The following CDH13 variants were observed in gnomAD, a reference collection of about 807,000 sequenced individuals.
The protein encoded by CDH13 is cadherin-13.
CDH13 carries 24 observed loss-of-function variants against 63.8 expected under a neutral mutation model. The ratio of observed to expected loss-of-function variants is 0.38; its 90% CI spans 0.27 to 0.53. The LOEUF (loss-of-function observed/expected upper bound fraction) is 0.53. Ranked by LOEUF, CDH13 falls within the 20% of genes least tolerant of loss-of-function variation. The pLI is 0.85. For missense variants in CDH13, 1,049 were observed against 903.1 expected (o/e 1.16, Z -2.07); for synonymous variants, 503 against 355.3 (o/e 1.42, Z -4.67).
At chr16:83,471,573 C>G (rs927796355) in intron 6 of CDH13, among the ~76,000 whole-genome samples, 4 of 152,186 alleles carry the variant, frequency 2.6e-5, no homozygotes, top group African/African-American at 9.7e-5. Context: ...CTCGCCTGGC[C>G]TTTCTAACCA....
chr16:83,031,371 T>C (rs1179844221), intron 2 of CDH13, among the ~76,000 whole-genome samples: 2 of 71,108 alleles, frequency 2.8e-5, no homozygotes, highest in Admixed American at 1.3e-4. Context: ...TGTACATGTA[T>C]ATGTATACAC....
At chr16:83,712,052 C>A (rs994858555) in intron 10 of CDH13, among the ~76,000 whole-genome samples, 1 of 152,208 alleles carries the variant, frequency 6.6e-6, no homozygotes, top group African/African-American at 2.4e-5. Flanking sequence ...CTCTGTCTGT[C>A]TGTGCCCTAA....
chr16:82,650,683 G>T (rs969945112), intron 1 of CDH13, among the ~76,000 whole-genome samples: 4 of 152,142 alleles, frequency 2.6e-5, no homozygotes, highest in African/African-American at 7.2e-5. Flanking sequence ...CCAGAAAACT[G>T]TATCTGTGCT....
chr16:83,456,931 C>T (rs1335309596), intron 6 of CDH13, among the ~76,000 whole-genome samples: 1 of 152,166 alleles, frequency 6.6e-6, no homozygotes, highest in Non-Finnish European at 1.5e-5. Flanking sequence ...CACTGCACTC[C>T]AGCCTGGGTG....
chr16:83,253,943 A>G (rs1254581843), intron 5 of CDH13, among the ~76,000 whole-genome samples: 1 of 152,176 alleles, frequency 6.6e-6, no homozygotes, highest in East Asian at 1.9e-4. Flanking sequence ...AATGTTCCCA[A>G]ACTCTTGCAG....
intron 1 of CDH13, among the ~76,000 whole-genome samples, chr16:82,785,932 G>A (rs2035980718): frequency 6.6e-6 from 1 of 152,210 alleles, no homozygotes; most frequent in Admixed American, 6.5e-5. Flanking sequence ...TCTTATCCCT[G>A]ATGCACGTGG....
intron 11 of CDH13, among the ~76,000 whole-genome samples, chr16:83,773,726 C>G (rs10514599): frequency 0.13 from 20,097 of 152,136 alleles, 1,915 homozygotes; most frequent in East Asian, 0.45. Context: ...CTTGGTCAAG[C>G]CTATCTATCC....
intron 1 of CDH13, among the ~76,000 whole-genome samples, chr16:82,768,851 C>T (rs1175690174): frequency 6.6e-6 from 1 of 152,192 alleles, no homozygotes; most frequent in African/African-American, 2.4e-5. Flanking sequence ...AGAAGCAATT[C>T]TGTGTCCGCA....
In CDH13 at chr16:83,265,727, C is replaced by CTTTTTTTTTTTTT. The variant is rs71272416; in HGVS notation, c.636+48244_636+48256dup. 8.9e-4 allele frequency among the ~76,000 whole-genome samples: 38 copies of CTTTTTTTTTTTTT among 42,572 alleles called. 4 individuals carry two copies. Among genetic ancestry groups the CTTTTTTTTTTTTT allele is most frequent in the East Asian group, 2.0e-3 (4 of 1,976 alleles). The allele number at this position is 42,572 out of a possible 152,430, so 27.9% of individuals were successfully genotyped here. A position where few individuals can be genotyped will look rare whatever the true frequency, so the allele number is the denominator to read the frequency against. On this transcript the variant is annotated intron_variant, in intron 5 of 13. Transcript: ENST00000567109. ...GTTTTCTGTTGCTTCTAAATTTCTG[C>CTTTTTTTTTTTTT]TTTTTTTTTTTTTTTTTTTTTTTTT... is the stretch of plus-strand genomic sequence containing the variant.
chr16:82,795,441 C>G (rs1171673177), intron 1 of CDH13, among the ~76,000 whole-genome samples: 1 of 152,144 alleles, frequency 6.6e-6, no homozygotes, highest in African/African-American at 2.4e-5. Context: ...GGTCGGGGAA[C>G]CTCAAATTGT....
chr16:83,572,967 C>G (rs1904780546), intron 7 of CDH13, among the ~76,000 whole-genome samples: 1 of 152,156 alleles, frequency 6.6e-6, no homozygotes, highest in African/African-American at 2.4e-5. Flanking sequence ...ACAGTACTTA[C>G]AGCGAGCACA....
At chr16:83,708,164 G>A (rs559848313) in intron 10 of CDH13, among the ~76,000 whole-genome samples, 4 of 152,180 alleles carry the variant, frequency 2.6e-5, no homozygotes, top group Admixed American at 1.3e-4. Flanking sequence ...CAAAGCCACC[G>A]GGAGAACCAA....
chr16:83,645,723 C>A (rs1911729184), intron 8 of CDH13, among the ~76,000 whole-genome samples: 1 of 151,798 alleles, frequency 6.6e-6, no homozygotes, highest in Non-Finnish European at 1.5e-5. Context: ...CTTGCTAGCC[C>A]CTGCAGGTGG....
chr16:83,783,627 T>C (rs2151012286), intron 13 of CDH13, 155 bp downstream of exon 13: 5 of 720,420 alleles, frequency 6.9e-6, no homozygotes, highest in South Asian at 6.1e-5. Flanking sequence ...ACATGTTATA[T>C]GTAAAAGTGC....
At chr16:82,727,625 A>G (rs924546542) in intron 1 of CDH13, 3 of 152,186 alleles carry the variant, frequency 2.0e-5, no homozygotes, top group South Asian at 2.1e-4. Flanking sequence ...CCTTGCTCAT[A>G]TCATTTATGA....
At chr16:83,595,358 T>C (rs1367246329) in intron 7 of CDH13, among the ~76,000 whole-genome samples, 4 of 152,236 alleles carry the variant, frequency 2.6e-5, no homozygotes, top group Non-Finnish European at 5.9e-5. Context: ...GCCCACCTTG[T>C]GTGCTGACTA....
At chr16:83,180,984 T>C in intron 4 of CDH13, 1 of 1,531,592 alleles carries the variant, frequency 6.5e-7, no homozygotes, top group Non-Finnish European at 8.7e-7. Context: ...GGCGACATTA[T>C]TGCTTTAAAG....
chr16:83,178,870 G>C (rs1158557930), intron 4 of CDH13, among the ~76,000 whole-genome samples: 1 of 151,944 alleles, frequency 6.6e-6, no homozygotes, highest in Admixed American at 6.6e-5. Context: ...CCCAGTGTTT[G>C]GTTCACTCTC....
At chr16:83,261,022 C>G (rs2151835731) in intron 5 of CDH13, among the ~76,000 whole-genome samples, 1 of 152,046 alleles carries the variant, frequency 6.6e-6, no homozygotes, top group Admixed American at 6.5e-5. Context: ...ATCCCATGTC[C>G]TTTGGCCCTT....
Sources: gnomAD v4.1 joint callset for allele counts (sites outside exome capture counted in the v4.1 genomes callset) on GRCh38, gnomAD v4.1.1 for gene constraint, MANE v1.5 for transcripts, NCBI Gene and HGNC (gene_info 2026-07-23, HGNC 2026-07-21) for gene names.